Variants in TJP1 observed in about 807,000 individuals in gnomAD.
The protein encoded by TJP1 is tight junction protein 1.
Under a neutral mutation model 194.2 loss-of-function variants are expected in TJP1, and 43 were observed. That is an observed-to-expected ratio of 0.22 (90% CI 0.17 to 0.29). TJP1 has a LOEUF of 0.29. Among genes scored for constraint, TJP1 ranks in the 10% least tolerant of loss-of-function variants. The pLI, the probability that TJP1 is intolerant of heterozygous loss-of-function variation, is 1.00. For synonymous variants in TJP1, 801 were observed against 779.0 expected (o/e 1.03, Z -0.47); for missense variants, 1,971 against 2,185.7 (o/e 0.90, Z 1.96).
chr15:29,738,708 T>A (rs959471895), intron 10 of TJP1, among the ~76,000 whole-genome samples: 1 of 151,828 alleles, frequency 6.6e-6, no homozygotes, highest in Non-Finnish European at 1.5e-5. Context: ...GAAACCTCTT[T>A]AAATATTTCC....
At chr15:29,902,312 G>A (rs1044140230) in intron 2 of TJP1, among the ~76,000 whole-genome samples, 2 of 151,742 alleles carry the variant, frequency 1.3e-5, no homozygotes, top group Non-Finnish European at 2.9e-5. Context: ...TATAGACTAC[G>A]CGCCCAGTAT....
intron 2 of TJP1, among the ~76,000 whole-genome samples, chr15:29,892,350 G>T (rs1239848918): frequency 4.6e-5 from 7 of 152,238 alleles, no homozygotes; most frequent in Admixed American, 3.9e-4. Context: ...AGTGCAAGGT[G>T]AGGAAGCAAG....
chr15:29,955,711 A>G (rs34736495), intron 2 of TJP1, among the ~76,000 whole-genome samples: 12 of 142,580 alleles, frequency 8.4e-5, no homozygotes, highest in Non-Finnish European at 1.5e-4. Flanking sequence ...TGATTGCACC[A>G]CTGCACTCCA....
intron 2 of TJP1, among the ~76,000 whole-genome samples, chr15:29,832,952 C>A (rs2050884601): frequency 6.6e-6 from 1 of 152,158 alleles, no homozygotes; most frequent in Non-Finnish European, 1.5e-5. Context: ...GCTTTTCCTC[C>A]CCTAAGGGCC....
At chr15:29,743,774 G>A (rs552824731) in intron 8 of TJP1, among the ~76,000 whole-genome samples, 1 of 152,094 alleles carries the variant, frequency 6.6e-6, no homozygotes, top group Non-Finnish European at 1.5e-5. Context: ...CAACTCAAGA[G>A]AGAAATGCAA....
intron 2 of TJP1, among the ~76,000 whole-genome samples, chr15:29,917,005 C>A (rs187734146): frequency 6.6e-6 from 1 of 152,170 alleles, no homozygotes; most frequent in Non-Finnish European, 1.5e-5. Flanking sequence ...TATTTTTCAA[C>A]CCCTTTAGAG....
At chr15:29,879,698 C>T (rs906467903) in intron 2 of TJP1, among the ~76,000 whole-genome samples, 2 of 145,806 alleles carry the variant, frequency 1.4e-5, no homozygotes, top group Non-Finnish European at 1.5e-5. Flanking sequence ...TCGCATATAG[C>T]TTAGACTCTC....
intron 2 of TJP1, among the ~76,000 whole-genome samples, chr15:29,875,090 A>G (rs771767075): frequency 1.3e-5 from 2 of 152,186 alleles, no homozygotes; most frequent in African/African-American, 2.4e-5. Flanking sequence ...TTTATTTTAA[A>G]TGTAGGCCCA....
chr15:29,900,639 T>A (rs140586213), intron 2 of TJP1, among the ~76,000 whole-genome samples: 1 of 152,324 alleles, frequency 6.6e-6, no homozygotes, highest in African/African-American at 2.4e-5. Flanking sequence ...ACTAGCTGTA[T>A]AAACTGCATA....
chr15:29,699,781 G>C (rs1442252471), downstream of TJP1: 1 of 152,862 alleles, frequency 6.5e-6, no homozygotes, highest in Non-Finnish European at 1.5e-5. Context: ...ATTAAACAAT[G>C]CCCGTGCTAT....
chr15:29,859,610 C>A (rs2051996807), intron 2 of TJP1, among the ~76,000 whole-genome samples: 1 of 151,984 alleles, frequency 6.6e-6, no homozygotes, highest in South Asian at 2.1e-4. Context: ...TTCCTCAGAG[C>A]CATCGTGGTT....
At chr15:29,786,013 A>C (rs1348696044) in intron 2 of TJP1, among the ~76,000 whole-genome samples, 1 of 152,194 alleles carries the variant, frequency 6.6e-6, no homozygotes, top group East Asian at 1.9e-4. Context: ...GGGGATCCCA[A>C]GAGATTTAAA....
intron 2 of TJP1, among the ~76,000 whole-genome samples, chr15:29,839,573 A>G (rs2051151846): frequency 6.6e-6 from 1 of 152,188 alleles, no homozygotes; most frequent in African/African-American, 2.4e-5. Context: ...CCTAGGAGGT[A>G]GAGGCTACAG....
chr15:29,765,989 G>A (rs1416391656), intron 5 of TJP1, among the ~76,000 whole-genome samples: 1 of 152,188 alleles, frequency 6.6e-6, no homozygotes, highest in Non-Finnish European at 1.5e-5. Flanking sequence ...ATTTGGTGAT[G>A]GTGTGACATT....
At chr15:29,835,187 T>C (rs2050985427) in intron 2 of TJP1, among the ~76,000 whole-genome samples, 1 of 152,200 alleles carries the variant, frequency 6.6e-6, no homozygotes, top group Admixed American at 6.5e-5. Context: ...GAGATGTGGT[T>C]ATCTGTAGGT....
chr15:29,942,192 G>T (rs1596297701), intron 2 of TJP1, among the ~76,000 whole-genome samples: 1 of 152,186 alleles, frequency 6.6e-6, no homozygotes, highest in Non-Finnish European at 1.5e-5. Flanking sequence ...CAGTTCTGAT[G>T]AATAAAATTC....
At chr15:29,903,764 A>C (rs1384084933) in intron 2 of TJP1, among the ~76,000 whole-genome samples, 1 of 152,208 alleles carries the variant, frequency 6.6e-6, no homozygotes, top group Non-Finnish European at 1.5e-5. Context: ...AATCTTAACA[A>C]ATTAGGAAAT....
chr15:29,782,815 C>A (rs1014190616), intron 2 of TJP1, among the ~76,000 whole-genome samples: 47 of 145,852 alleles, frequency 3.2e-4, no homozygotes, highest in African/African-American at 1.1e-3. Flanking sequence ...GGTCTAATAT[C>A]CATCATCTAT....
chr15:29,890,532 G>C (rs1256953948), intron 2 of TJP1, among the ~76,000 whole-genome samples: 2 of 152,212 alleles, frequency 1.3e-5, no homozygotes, highest in Non-Finnish European at 2.9e-5. Flanking sequence ...TCAGGAAATG[G>C]AAGCCAGAGG....
Sources: gnomAD v4.1 joint callset for allele counts (sites outside exome capture counted in the v4.1 genomes callset) on GRCh38, gnomAD v4.1.1 for gene constraint, MANE v1.5 for transcripts, NCBI Gene and HGNC (gene_info 2026-07-23, HGNC 2026-07-21) for gene names.